STAU1: variants seen among roughly 807,000 people sequenced by gnomAD.
STAU1 encodes the protein staufen double-stranded RNA binding protein 1.
In STAU1, 13 loss-of-function variants were observed where a neutral mutation model predicts 62.9. The observed-to-expected ratio is 0.21, with a 90% CI of 0.13 to 0.33. STAU1 has a LOEUF of 0.33. Among genes scored for constraint, STAU1 ranks in the 10% least tolerant of loss-of-function variants. The pLI, the probability that STAU1 is intolerant of heterozygous loss-of-function variation, is 1.00. For synonymous variants in STAU1, 269 were observed against 265.1 expected (o/e 1.01, Z -0.14); for missense variants, 571 against 712.1 (o/e 0.80, Z 2.25).
intron 5 of STAU1, among the ~76,000 whole-genome samples, chr20:49,147,204 A>T (rs939190462): frequency 1.3e-5 from 2 of 152,086 alleles, no homozygotes; most frequent in Non-Finnish European, 2.9e-5. Flanking sequence ...AATTCTTGTC[A>T]TTTTTCCATC....
chr20:49,128,901 G>GTTA (rs1005309243), intron 6 of STAU1, among the ~76,000 whole-genome samples: 2 of 151,788 alleles, frequency 1.3e-5, no homozygotes, highest in Non-Finnish European at 2.9e-5. Context: ...ATGACTTTAG[G>GTTA]TTAGCCAAAT....
intron 3 of STAU1, chr20:49,159,046 C>T (rs987365307): frequency 2.4e-6 from 3 of 1,267,438 alleles, no homozygotes; most frequent in African/African-American, 3.1e-5. Flanking sequence ...AACTCAAAAC[C>T]CTGGCAGGCA....
At chr20:49,151,080 A>T (rs1417246817) in intron 5 of STAU1, among the ~76,000 whole-genome samples, 1 of 152,222 alleles carries the variant, frequency 6.6e-6, no homozygotes, top group African/African-American at 2.4e-5. Context: ...TCACAGACTC[A>T]TAAGCAAAAT....
chr20:49,187,815 T>G (rs937487898), intron 1 of STAU1, among the ~76,000 whole-genome samples: 2 of 125,406 alleles, frequency 1.6e-5, no homozygotes, highest in Admixed American at 8.8e-5. Context: ...CGGGAATAAC[T>G]TCGGCATCCC....
At chr20:49,125,198 C>CAAAA (rs1171534142) in intron 6 of STAU1, among the ~76,000 whole-genome samples, 4 of 33,716 alleles carry the variant, frequency 1.2e-4, no homozygotes, top group Admixed American at 5.3e-4. Context: ...CTCATTTTTG[C>CAAAA]AAAAAAAAAA....
chr20:49,154,221 G>A, intron 3 of STAU1, 150 bp from the exon 4 acceptor site: 1 of 664,746 alleles, frequency 1.5e-6, no homozygotes, highest in Non-Finnish European at 2.4e-6. Context: ...CATCAGACAA[G>A]GAAATCCAAG....
At position 49,166,293 on chromosome 20, in the gene STAU1, T is replaced by C; in HGVS notation, c.-84-8A>G. ...TGAAGTCTAAAGTTCTACCTAAAAG[T>C]TGTAAGGGAAAGAAAATAAAAAGGT... On this transcript the variant is annotated splice_polypyrimidine_tract_variant and splice_region_variant and intron_variant, in intron 2 of 13. Coordinates refer to ENST00000371856, the MANE Select transcript of STAU1 (RefSeq NM_017453.4). 2 of 1,147,946 alleles carry C rather than the reference T, an allele frequency of 1.7e-6. No homozygotes were observed. Among genetic ancestry groups the C allele is most frequent in the Middle Eastern group, 2.6e-4 (1 of 3,824 alleles). The allele number at this position is 1,147,946 out of a possible 1,614,324, so 71.1% of individuals were successfully genotyped here. A position where few individuals can be genotyped will look rare whatever the true frequency, so the allele number is the denominator to read the frequency against.
At chr20:49,161,451 CA>C (rs2093446784) in intron 3 of STAU1, among the ~76,000 whole-genome samples, 1 of 152,230 alleles carries the variant, frequency 6.6e-6, no homozygotes, top group Non-Finnish European at 1.5e-5. Flanking sequence ...AAGACAACCT[CA>C]TCAGTTTGAA....
chr20:49,134,870 G>A (rs2092839859), intron 6 of STAU1: 2 of 1,584,408 alleles, frequency 1.3e-6, no homozygotes, highest in South Asian at 1.1e-5. Flanking sequence ...AGTGATGAGA[G>A]CCTATTTACA....
chr20:49,182,297 A>C (rs1431755227), intron 1 of STAU1, among the ~76,000 whole-genome samples: 1 of 152,234 alleles, frequency 6.6e-6, no homozygotes, highest in African/African-American at 2.4e-5. Context: ...AAACAAATTA[A>C]GCTATTTGCA....
chr20:49,124,419 G>A lies in STAU1; in HGVS notation c.778C>T (p.Arg260Ter). ...KKLPPLPAVERVKPRIKKKTK... is the reference protein window; with the variant it reads ...KKLPPLPAVE ...TTCTTTTTGATTCTAGGCTTTACTC[G>A]TTCAACTGCAGGCAGGGGCGGTAAC... Residue 260 changes from arginine to a stop codon, truncating the protein, a stop_gained, in exon 7 of 14, where the codon CGA becomes TGA. Coordinates refer to ENST00000371856, the MANE Select transcript of STAU1 (RefSeq NM_017453.4). LOFTEE classifies it high-confidence loss of function. 1.2e-6 allele frequency: 2 copies of A among 1,614,126 alleles called. No homozygotes were observed. The highest frequency in any genetic ancestry group is 1.7e-6 in the Non-Finnish European group (2 of 1,180,026).
chr20:49,193,185 C>T (rs348294), upstream of STAU1, among the ~76,000 whole-genome samples: 111,407 of 151,956 alleles, frequency 0.73, 41,699 homozygotes, highest in African/African-American at 0.88. Flanking sequence ...GAGATCAGCC[C>T]GGCCAACATG....
At chr20:49,127,868 G>C (rs2092665422) in intron 6 of STAU1, among the ~76,000 whole-genome samples, 1 of 151,590 alleles carries the variant, frequency 6.6e-6, no homozygotes, top group South Asian at 2.1e-4. Flanking sequence ...TACAAAAATT[G>C]GCTGGGCTCG....
At chr20:49,206,747 A>T in the STAU1 span, among the ~76,000 whole-genome samples, 67 of 83,810 alleles carry the variant, frequency 8.0e-4, 1 homozygote, top group African/African-American at 3.6e-3. Flanking sequence ...ATATATATAT[A>T]TATATTTTAT....
chr20:49,191,104 T>A (rs2093830692), upstream of STAU1, among the ~76,000 whole-genome samples: 1 of 151,860 alleles, frequency 6.6e-6, no homozygotes, highest in African/African-American at 2.4e-5. Context: ...CTCGGCTCAC[T>A]GCAACCTCCA....
chr20:49,179,563 T>C (rs954359495), intron 1 of STAU1, among the ~76,000 whole-genome samples: 2 of 152,244 alleles, frequency 1.3e-5, no homozygotes, highest in Non-Finnish European at 2.9e-5. Flanking sequence ...ATGAGACTTA[T>C]TATTACATAT....
Position 49,166,161 on chromosome 20 carries a change from G to C in STAU1, c.41C>G (p.Ala14Gly), listed in dbSNP as rs753014715. The C allele has an allele frequency of 3.7e-6, 6 of 1,614,192 alleles. No homozygotes were observed. In the South Asian group the frequency reaches 6.6e-5, roughly 18 times the overall value. Residue 14 changes from alanine (A) to glycine (G), a missense_variant, in exon 3 of 14, where the codon GCT (alanine) becomes GGT (glycine). This residue lies in a region of STAU1 where 414 missense variants were observed against 499.6 expected (regional missense o/e 0.83). Coordinates refer to ENST00000371856, the MANE Select transcript of STAU1 (RefSeq NM_017453.4). The part of the protein sequence containing the change: ...VQVQVQNPSA[A>G]LSGSQILNKN... ...GTTCAGTATTTGGCTCCCTGAGAGAGCAGCAGATGGGTTCTGAACTTGCAC... is the reference window on the plus strand; with the variant it reads ...GTTCAGTATTTGGCTCCCTGAGAGACCAGCAGATGGGTTCTGAACTTGCAC...
chr20:49,156,848 A>C (rs112994326), intron 3 of STAU1, among the ~76,000 whole-genome samples: 13 of 151,026 alleles, frequency 8.6e-5, no homozygotes, highest in African/African-American at 1.7e-4. Context: ...ACAACAACAA[A>C]AAAAAGAGAT....
chr20:49,167,066 A>C (rs1165057597), intron 2 of STAU1, among the ~76,000 whole-genome samples: 3 of 152,196 alleles, frequency 2.0e-5, no homozygotes, highest in African/African-American at 7.2e-5. Flanking sequence ...GGAGCACTGG[A>C]GCTTGTTTAC....
Sources: allele counts gnomAD v4.1 joint callset (sites outside exome capture counted in the v4.1 genomes callset), GRCh38; gene constraint gnomAD v4.1.1; regional missense constraint gnomAD v4.1.1; transcripts MANE v1.5; gene names NCBI Gene and HGNC (gene_info 2026-07-23, HGNC 2026-07-21).